SENP7: variants seen among roughly 807,000 people sequenced by gnomAD.
The protein encoded by SENP7 is SUMO specific peptidase 7.
In SENP7, 64 loss-of-function variants were observed where a neutral mutation model predicts 141.2. The ratio of observed to expected loss-of-function variants is 0.45; its 90% CI spans 0.37 to 0.56. The LOEUF (loss-of-function observed/expected upper bound fraction) is 0.56. Among genes scored for constraint, SENP7 ranks in the 20% least tolerant of loss-of-function variants. The probability of loss-of-function intolerance (pLI) is 0.00; values close to 1 mark genes in which losing one functional copy is unlikely to be tolerated. For missense variants in SENP7, 1,025 were observed against 1,212.2 expected, an observed-to-expected ratio of 0.85 and a Z score of 2.29; for synonymous variants, 382 against 426.4, an observed-to-expected ratio of 0.90 and a Z score of 1.28.
chr3:101,460,855 G>A (rs1000395340), intron 3 of SENP7, among the ~76,000 whole-genome samples: 2 of 152,170 alleles, frequency 1.3e-5, no homozygotes, highest in Non-Finnish European at 1.5e-5. Context: ...CCAGCACTCT[G>A]GAAGGCCAAG....
intron 17 of SENP7, among the ~76,000 whole-genome samples, chr3:101,335,193 G>A (rs1355543589): frequency 1.3e-5 from 2 of 152,180 alleles, no homozygotes; most frequent in Non-Finnish European, 2.9e-5. Context: ...AAATGGAAAT[G>A]AGGTAGGTTG....
chr3:101,347,952 G>C lies in SENP7; in HGVS notation c.1757C>G (p.Ala586Gly), dbSNP rs2059511754. Residue 586 changes from alanine to glycine, a missense_variant, in exon 13 of 24, where the codon GCT (alanine) becomes GGT (glycine). Physicochemically the swap from Ala to Gly is moderately conservative, Grantham distance 60 (BLOSUM62 0). This residue lies in a region of SENP7 where 228 missense variants were observed against 228.5 expected (regional missense o/e 1.00). Coordinates refer to ENST00000394095, the MANE Select transcript of SENP7 (RefSeq NM_020654.5). ...TGAAGAGACCCAGAAGAAAAGAATAGCATGACTCCTTTTACTGTGATTATC... is the reference window on the plus strand; with the variant it reads ...TGAAGAGACCCAGAAGAAAAGAATACCATGACTCCTTTTACTGTGATTATC... ...KDDNHSKRSH[A>G]ILFFWVSSDY... is the part of the protein sequence containing the mutation. 1 of 1,609,228 alleles carries C rather than the reference G, an allele frequency of 6.2e-7. No individual in the cohort carries two copies. The highest frequency in any genetic ancestry group is 1.7e-5 in the Admixed American group (1 of 59,866).
At chr3:101,509,695 C>G (rs1413666715) in intron 1 of SENP7, among the ~76,000 whole-genome samples, 1 of 152,154 alleles carries the variant, frequency 6.6e-6, no homozygotes, top group East Asian at 1.9e-4. Flanking sequence ...ATTACACTTT[C>G]AATGCAAAGC....
chr3:101,458,881 C>G (rs534580731), intron 4 of SENP7, 74 bp downstream of exon 4: 1 of 865,986 alleles, frequency 1.2e-6, no homozygotes, highest in Non-Finnish European at 1.8e-6. Flanking sequence ...TGAGAACCAA[C>G]AAGCTTAAAT....
At chr3:101,510,991 T>TA (rs1440338736) in intron 1 of SENP7, among the ~76,000 whole-genome samples, 2 of 152,044 alleles carry the variant, frequency 1.3e-5, no homozygotes, top group African/African-American at 4.8e-5. Context: ...GGAAATTAAA[T>TA]ATACGCTATT....
chr3:101,332,958 T>C (rs1466057811), intron 17 of SENP7, 96 bp from the exon 18 acceptor site: 1 of 1,184,326 alleles, frequency 8.4e-7, no homozygotes, highest in Non-Finnish European at 1.2e-6. Context: ...ATCTTAAATT[T>C]AGTTTAACCA....
chr3:101,500,973 T>C (rs1209088701), intron 2 of SENP7, 97 bp downstream of exon 2: 4 of 845,578 alleles, frequency 4.7e-6, no homozygotes, highest in African/African-American at 3.4e-5. Context: ...AGTTTTATAC[T>C]GTTTTCTTTA....
At chr3:101,355,335 T>A (rs1367553311) in intron 11 of SENP7, among the ~76,000 whole-genome samples, 1 of 152,218 alleles carries the variant, frequency 6.6e-6, no homozygotes, top group African/African-American at 2.4e-5. Flanking sequence ...AGGGTTTTTA[T>A]AGTTTTGGGT....
At position 101,466,575 on chromosome 3, in the gene SENP7, C is replaced by T. The variant is rs534312035; in HGVS notation, c.187-7523G>A. On this transcript the variant is annotated intron_variant, in intron 3 of 23. Coordinates refer to ENST00000394095, the MANE Select transcript of SENP7 (RefSeq NM_020654.5). ...AAAGCTAAGGGAATTTATCACACTA[C>T]ACTACAAAAATGCTTAATAGAGTCT... 8.5e-5 allele frequency among the ~76,000 whole-genome samples: 13 copies of T among 152,252 alleles called. No individual in the cohort carries two copies. In the East Asian group the frequency reaches 2.5e-3, roughly 29 times the overall value.
intron 3 of SENP7, among the ~76,000 whole-genome samples, chr3:101,481,043 T>A (rs1014986175): frequency 7.1e-6 from 1 of 141,328 alleles, no homozygotes; most frequent in Non-Finnish European, 1.5e-5. Flanking sequence ...TAAATTAGTA[T>A]AGCTATTATG....
intron 3 of SENP7, among the ~76,000 whole-genome samples, chr3:101,479,380 C>T (rs1439296443): frequency 3.3e-5 from 5 of 152,066 alleles, no homozygotes; most frequent in Non-Finnish European, 5.9e-5. Flanking sequence ...TTTGGGAGGC[C>T]AAGGCAGGAA....
Position 101,364,941 on chromosome 3 carries a change from T to C in SENP7, c.1369A>G (p.Ile457Val). ...EGPVEHKSSE[I>V]LKLQSKQDRE... ...TCTTGCTTAGATTGTAACTTAAGAA[T>C]TTCTGAACTTTTATGTTCAACAGGT... The change falls in exon 10 of 24, where the codon ATT becomes GTT. Residue 457 changes from isoleucine to valine, a missense_variant. By Grantham distance (29) the Ile-to-Val change is conservative (BLOSUM62 3). Coordinates refer to ENST00000394095, the MANE Select transcript of SENP7 (RefSeq NM_020654.5). The C allele has an allele frequency of 6.3e-7, 1 of 1,590,714 alleles. No individual in the cohort carries two copies. The highest frequency in any genetic ancestry group is 8.6e-7 in the Non-Finnish European group (1 of 1,169,452).
chr3:101,379,752 G>A (rs1376817951), intron 6 of SENP7, among the ~76,000 whole-genome samples: 1 of 152,158 alleles, frequency 6.6e-6, no homozygotes, highest in Non-Finnish European at 1.5e-5. Flanking sequence ...CAGCCACTAT[G>A]AATAATAGTA....
At chr3:101,357,615 G>T (rs892791833) in intron 11 of SENP7, 265 of 931,076 alleles carry the variant, frequency 2.8e-4, no homozygotes, top group Non-Finnish European at 4.2e-4. Flanking sequence ...GTGGATGAGT[G>T]TAAGGTGCAC....
intron 11 of SENP7, chr3:101,358,965 T>A (rs1425387160): frequency 6.6e-6 from 1 of 152,058 alleles, no homozygotes; most frequent in East Asian, 1.9e-4. Flanking sequence ...AGACAAACGA[T>A]AATTCATGCT....
chr3:101,385,612 G>A (rs2107519394), intron 6 of SENP7, among the ~76,000 whole-genome samples: 1 of 152,208 alleles, frequency 6.6e-6, no homozygotes, highest in Non-Finnish European at 1.5e-5. Flanking sequence ...TAAGACAATT[G>A]CACTACCATC....
intron 3 of SENP7, among the ~76,000 whole-genome samples, chr3:101,466,722 A>G (rs1439598695): frequency 6.6e-6 from 1 of 152,302 alleles, no homozygotes; most frequent in South Asian, 2.1e-4. Flanking sequence ...GCATTCCAAG[A>G]TGGCTAAATA....
At chr3:101,485,508 C>T (rs2064692314) in intron 3 of SENP7, among the ~76,000 whole-genome samples, 1 of 152,052 alleles carries the variant, frequency 6.6e-6, no homozygotes. Flanking sequence ...AGAAGAGAGA[C>T]AACAATCACT....
intron 4 of SENP7, among the ~76,000 whole-genome samples, chr3:101,453,544 T>C (rs1474650954): frequency 6.6e-6 from 1 of 152,116 alleles, no homozygotes; most frequent in African/African-American, 2.4e-5. Context: ...CCATAAAAAA[T>C]GATGAGTTCA....
Sources: gnomAD v4.1 joint callset for allele counts (sites outside exome capture counted in the v4.1 genomes callset) on GRCh38, gnomAD v4.1.1 for gene constraint, gnomAD v4.1.1 regional missense constraint, MANE v1.5 for transcripts, NCBI Gene and HGNC (gene_info 2026-07-23, HGNC 2026-07-21) for gene names.